The following MALT1 variants were observed in gnomAD, a reference collection of about 807,000 sequenced individuals.
MALT1 encodes the protein mucosa-associated lymphoid tissue lymphoma translocation protein 1.
A neutral mutation model predicts 85.5 loss-of-function variants in MALT1; 36 were observed. That is an observed-to-expected ratio of 0.42 (90% CI 0.32 to 0.56). The LOEUF is 0.56. MALT1 is among the 20% of genes least tolerant of loss of function. The pLI is 0.10. For synonymous variants in MALT1, 359 were observed against 361.3 expected (o/e 0.99, Z 0.07); for missense variants, 716 against 981.6 (o/e 0.73, Z 3.62).
At position 58,744,446 on chromosome 18, in the gene MALT1, A is replaced by G; in HGVS notation, c.1862A>G (p.Lys621Arg). Residue 621 changes from lysine to arginine, a missense_variant, in exon 15 of 17, where the codon AAA (lysine) becomes AGA (arginine). Physicochemically the swap from Lys to Arg is conservative, Grantham distance 26. Around this residue, in one of 4 missense-constraint regions of MALT1, gnomAD observed 260 missense variants for 323.7 expected, o/e 0.80. Transcript: ENST00000649217. The part of the protein sequence containing the change: ...VMIIYTSIVY[K>R]PPEIIMCDAY... ...ATCATCTATACAAGTATAGTTTACA[A>G]ACCACCGGAGATAATAATGTGTGAT... The G allele has an allele frequency of 6.2e-7, 1 of 1,608,330 alleles. No homozygotes were observed. The highest frequency in any genetic ancestry group is 8.5e-7 in the Non-Finnish European group (1 of 1,176,626).
chr18:58,687,658 G>A (rs1437477887), intron 2 of MALT1, among the ~76,000 whole-genome samples: 2 of 152,224 alleles, frequency 1.3e-5, no homozygotes, highest in African/African-American at 4.8e-5. Context: ...GGACTTCAGT[G>A]TATGGAATAG....
intron 13 of MALT1, among the ~76,000 whole-genome samples, chr18:58,739,111 T>C (rs1280852561): frequency 6.6e-6 from 1 of 152,200 alleles, no homozygotes; most frequent in East Asian, 1.9e-4. Flanking sequence ...TTCTTTCAAT[T>C]TCTTAATATG....
At chr18:58,699,616 A>G (rs118094380) in intron 3 of MALT1, among the ~76,000 whole-genome samples, 1 of 152,210 alleles carries the variant, frequency 6.6e-6, no homozygotes, top group African/African-American at 2.4e-5. Flanking sequence ...CAGCATCCCA[A>G]ATCTGAAATG....
chr18:58,742,987 T>TC (rs1471517090), intron 14 of MALT1, among the ~76,000 whole-genome samples: 2 of 152,202 alleles, frequency 1.3e-5, no homozygotes, highest in African/African-American at 4.8e-5. Context: ...ATTTTCTGAG[T>TC]CCAAGTATCT....
At chr18:58,684,504 T>A (rs2054371032) in intron 2 of MALT1, among the ~76,000 whole-genome samples, 1 of 143,044 alleles carries the variant, frequency 7.0e-6, no homozygotes, top group Non-Finnish European at 1.5e-5. Context: ...TGGAGTGCAA[T>A]GTCATGATTT....
intron 10 of MALT1, among the ~76,000 whole-genome samples, chr18:58,725,128 T>C (rs2144429602): frequency 7.0e-6 from 1 of 143,112 alleles, no homozygotes; most frequent in Non-Finnish European, 1.5e-5. Flanking sequence ...AGACTCCGTC[T>C]CAAAAAAAAA....
chr18:58,727,326 T>C (rs76807873), intron 10 of MALT1, among the ~76,000 whole-genome samples: 25,380 of 152,000 alleles, frequency 0.17, 3,011 homozygotes, highest in African/African-American at 0.32. Flanking sequence ...TTGATACGGA[T>C]GGAGTCTTGC....
At chr18:58,676,556 G>A (rs59494332) in intron 1 of MALT1, among the ~76,000 whole-genome samples, 62 of 152,236 alleles carry the variant, frequency 4.1e-4, no homozygotes, top group African/African-American at 1.4e-3. Flanking sequence ...GTCTCCACAG[G>A]TAACCACATG....
At chr18:58,740,433 T>TA (rs1331775828) in intron 13 of MALT1, among the ~76,000 whole-genome samples, 2 of 152,140 alleles carry the variant, frequency 1.3e-5, no homozygotes, top group African/African-American at 2.4e-5. Flanking sequence ...TTTAAGTTTC[T>TA]AAGGCTTTAC....
intron 10 of MALT1, among the ~76,000 whole-genome samples, chr18:58,724,087 C>T (rs575499871): frequency 3.3e-5 from 5 of 152,186 alleles, no homozygotes; most frequent in South Asian, 2.1e-4. Flanking sequence ...CAAAAAGTAC[C>T]GGTTTGGCTC....
At chr18:58,732,537 T>C (rs1269649970) in intron 10 of MALT1, among the ~76,000 whole-genome samples, 1 of 152,210 alleles carries the variant, frequency 6.6e-6, no homozygotes, top group Non-Finnish European at 1.5e-5. Flanking sequence ...TAAAACTATA[T>C]ATTTTAATAA....
intron 9 of MALT1, among the ~76,000 whole-genome samples, chr18:58,721,188 C>T (rs2054977150): frequency 6.6e-6 from 1 of 152,054 alleles, no homozygotes; most frequent in Non-Finnish European, 1.5e-5. Flanking sequence ...GAGACCACCC[C>T]GACCTAAGTG....
At chr18:58,743,102 T>C (rs1190099130) in intron 14 of MALT1, among the ~76,000 whole-genome samples, 2 of 152,144 alleles carry the variant, frequency 1.3e-5, no homozygotes, top group Non-Finnish European at 2.9e-5. Context: ...TGGCCAGGTG[T>C]GGTGGCTCAC....
intron 8 of MALT1, among the ~76,000 whole-genome samples, chr18:58,715,118 A>G (rs2054881297): frequency 6.6e-6 from 1 of 152,178 alleles, no homozygotes; most frequent in Admixed American, 6.5e-5. Flanking sequence ...TGAACTGTCA[A>G]AAACCATCCT....
chr18:58,726,569 A>G (rs1243483072), intron 10 of MALT1, among the ~76,000 whole-genome samples: 1 of 152,218 alleles, frequency 6.6e-6, no homozygotes, highest in African/African-American at 2.4e-5. Context: ...TTTGTAGAAG[A>G]AATAAAAGTT....
intron 2 of MALT1, chr18:58,690,800 C>T (rs560627272): frequency 9.1e-6 from 2 of 220,292 alleles, no homozygotes; most frequent in Admixed American, 4.5e-5. Context: ...AAAATGCCTT[C>T]CTGAGAAAGT....
intron 2 of MALT1, among the ~76,000 whole-genome samples, chr18:58,683,929 T>G (rs2144317290): frequency 6.6e-6 from 1 of 152,322 alleles, no homozygotes; most frequent in Middle Eastern, 3.4e-3. Context: ...TTTGTTTTAT[T>G]TTGTTTTTTA....
chr18:58,751,111 G>C lies in MALT1; in HGVS notation c.*3269G>C, dbSNP rs1273324605. On this transcript the variant is annotated 3_prime_UTR_variant, in exon 17 of 17. Coordinates refer to ENST00000649217, the MANE Select transcript of MALT1 (RefSeq NM_006785.4). Reference sequence around the variant, plus strand: ...TAGCCTTTAGCCTCATGGGGTTGTTGAGCAGTTGAAATAATAGCTAGTGTG... The same window carrying C: ...TAGCCTTTAGCCTCATGGGGTTGTTCAGCAGTTGAAATAATAGCTAGTGTG... 2.0e-5 allele frequency: 3 copies of C among 152,208 alleles called. No individual in the cohort carries two copies. The highest frequency in any genetic ancestry group is 4.4e-5 in the Non-Finnish European group (3 of 68,068). 9.4% of individuals were successfully genotyped at this position (152,208 alleles called of 1,614,324 possible). A position where few individuals can be genotyped will look rare whatever the true frequency, so the allele number is the denominator to read the frequency against.
Position 58,737,283 on chromosome 18 carries a change from C to A in MALT1, c.1603+1954C>A, listed in dbSNP as rs2055235956. Among the ~76,000 whole-genome samples the A allele has an allele frequency of 1.3e-5, 2 of 151,948 alleles. 1 individual carries two copies. Among genetic ancestry groups the A allele is most frequent in the African/African-American group, 4.8e-5 (2 of 41,378 alleles). On this transcript the variant is annotated intron_variant, in intron 13 of 16. Transcript: ENST00000649217. ...TCACTTGAACACAGAAGTTTGAGACCAACCTAGGCAACATTGTCAGACCCC... is the reference window on the plus strand; with the variant it reads ...TCACTTGAACACAGAAGTTTGAGACAAACCTAGGCAACATTGTCAGACCCC...
Sources: gnomAD v4.1 joint callset for allele counts (sites outside exome capture counted in the v4.1 genomes callset) on GRCh38, gnomAD v4.1.1 for gene constraint, gnomAD v4.1.1 regional missense constraint, MANE v1.5 for transcripts, NCBI Gene and HGNC (gene_info 2026-07-23, HGNC 2026-07-21) for gene names.